The following LRRC4C variants were observed in gnomAD, a reference collection of about 807,000 sequenced individuals.
LRRC4C encodes the protein leucine rich repeat containing 4C.
Under a neutral mutation model 33.6 loss-of-function variants are expected in LRRC4C, and 5 were observed. The ratio of observed to expected loss-of-function variants is 0.15; its 90% CI spans 0.08 to 0.31. The LOEUF (loss-of-function observed/expected upper bound fraction) is 0.31. LRRC4C is among the 10% of genes least tolerant of loss of function. The probability of loss-of-function intolerance (pLI) is 1.00; values close to 1 mark genes in which losing one functional copy is unlikely to be tolerated. For missense variants in LRRC4C, 560 were observed against 796.7 expected, an observed-to-expected ratio of 0.70 and a Z score of 3.58; for synonymous variants, 329 against 302.0, an observed-to-expected ratio of 1.09 and a Z score of -0.93.
At chr11:41,289,821 C>T (rs1949940385) in intron 1 of LRRC4C, among the ~76,000 whole-genome samples, 1 of 152,070 alleles carries the variant, frequency 6.6e-6, no homozygotes, top group South Asian at 2.1e-4. Flanking sequence ...GAATTAGATT[C>T]AGAAAGGAAG....
chr11:41,023,960 T>G (rs1666272609), intron 1 of LRRC4C, among the ~76,000 whole-genome samples: 1 of 151,782 alleles, frequency 6.6e-6, no homozygotes, highest in Non-Finnish European at 1.5e-5. Context: ...TCCTGTTACT[T>G]TGTCAGGTGC....
rs779814161 is a variant in LRRC4C at position 41,204,059 on chromosome 11, T to C, written c.-496+255372A>G. Among the ~76,000 whole-genome samples, 304 of 152,140 alleles carry C rather than the reference T, an allele frequency of 2.0e-3. 1 individual carries two copies. The highest frequency in any genetic ancestry group is 4.1e-3 in the Non-Finnish European group (280 of 68,012). On this transcript the variant is annotated intron_variant, in intron 1 of 6. Transcript: ENST00000528697. ...CAGATTATAGATGGCAAAACTAAAA[T>C]AGGTCCTCTTGAAATAATATTTTTG...
intron 2 of LRRC4C, among the ~76,000 whole-genome samples, chr11:40,788,947 G>T (rs375357237): frequency 6.6e-6 from 1 of 151,994 alleles, no homozygotes; most frequent in East Asian, 1.9e-4. Context: ...AAAAAAATTA[G>T]CTGGGCATGG....
chr11:40,927,839 G>C (rs183140440), intron 2 of LRRC4C, among the ~76,000 whole-genome samples: 2 of 152,290 alleles, frequency 1.3e-5, no homozygotes, highest in East Asian at 1.9e-4. Context: ...GTTTCACACA[G>C]AGCCTAGTTT....
intron 1 of LRRC4C, among the ~76,000 whole-genome samples, chr11:41,390,906 A>G (rs765316346): frequency 6.6e-6 from 1 of 151,750 alleles, no homozygotes; most frequent in Non-Finnish European, 1.5e-5. Flanking sequence ...AGAAATAATT[A>G]TCAATGGAAT....
intron 1 of LRRC4C, among the ~76,000 whole-genome samples, chr11:41,144,332 A>G (rs958156683): frequency 2.0e-5 from 3 of 152,212 alleles, no homozygotes; most frequent in African/African-American, 7.2e-5. Context: ...TCCAGACTTC[A>G]GTTTAGAATA....
At chr11:40,878,240 T>C (rs1257279598) in intron 2 of LRRC4C, among the ~76,000 whole-genome samples, 1 of 152,088 alleles carries the variant, frequency 6.6e-6, no homozygotes, top group Non-Finnish European at 1.5e-5. Flanking sequence ...ACAATTAAAG[T>C]ACATCAACTC....
intron 1 of LRRC4C, among the ~76,000 whole-genome samples, chr11:41,165,325 G>T (rs1590810094): frequency 6.6e-6 from 1 of 152,106 alleles, no homozygotes; most frequent in African/African-American, 2.4e-5. Context: ...TGACCGAAAT[G>T]TCATTATGTG....
At position 41,066,203 on chromosome 11, in the gene LRRC4C, C is replaced by T. The variant is rs138867840; in HGVS notation, c.-495-132480G>A. On this transcript the variant is annotated intron_variant, in intron 1 of 6. Transcript: ENST00000528697. ...TACAGGAACTGCTAACTACAATAAGCAGTTTAGAGAGGAACATAAATGACC... is the reference window on the plus strand; with the variant it reads ...TACAGGAACTGCTAACTACAATAAGTAGTTTAGAGAGGAACATAAATGACC... Among the ~76,000 whole-genome samples, 6 of 152,186 alleles carry T rather than the reference C, an allele frequency of 3.9e-5. No homozygotes were observed. The East Asian group carries it at 1.2e-3, about 30-fold the overall frequency.
At chr11:40,622,707 C>A (rs191351238) in intron 3 of LRRC4C, among the ~76,000 whole-genome samples, 3 of 151,892 alleles carry the variant, frequency 2.0e-5, no homozygotes, top group Admixed American at 6.6e-5. Context: ...TGGAAAAGAG[C>A]ATGGAGTTTG....
At chr11:40,223,310 G>A (rs1341803802) in intron 5 of LRRC4C, among the ~76,000 whole-genome samples, 1 of 152,122 alleles carries the variant, frequency 6.6e-6, no homozygotes, top group East Asian at 1.9e-4. Flanking sequence ...AAATCAGTAG[G>A]AGAAAGGACA....
intron 1 of LRRC4C, among the ~76,000 whole-genome samples, chr11:41,149,090 T>G (rs1054091555): frequency 1.3e-5 from 2 of 152,078 alleles, no homozygotes; most frequent in Non-Finnish European, 2.9e-5. Context: ...GCAGAATTTA[T>G]TTTTTCAGAA....
chr11:41,013,518 C>G (rs1241935775), intron 1 of LRRC4C, among the ~76,000 whole-genome samples: 2 of 152,154 alleles, frequency 1.3e-5, no homozygotes, highest in Non-Finnish European at 2.9e-5. Flanking sequence ...CACTGTCTTA[C>G]AGTCTTCAAA....
At chr11:41,263,271 A>G (rs1194311978) in intron 1 of LRRC4C, among the ~76,000 whole-genome samples, 2 of 152,182 alleles carry the variant, frequency 1.3e-5, no homozygotes, top group East Asian at 3.9e-4. Context: ...AAAAGAATTA[A>G]CATCCGCACC....
intron 3 of LRRC4C, among the ~76,000 whole-genome samples, chr11:40,370,000 G>T (rs1224551001): frequency 6.6e-6 from 1 of 152,028 alleles, no homozygotes; most frequent in Non-Finnish European, 1.5e-5. Context: ...TTGGTAGAGA[G>T]AAGAAGAAAA....
Position 41,040,159 on chromosome 11 carries a change from T to C in LRRC4C, c.-495-106436A>G, listed in dbSNP as rs1396829982. 2.3e-5 allele frequency among the ~76,000 whole-genome samples: 3 copies of C among 131,088 alleles called. 1 individual carries two copies. The allele number at this position is 131,088 out of a possible 152,430, so 86.0% of individuals were successfully genotyped here. A position where few individuals can be genotyped will look rare whatever the true frequency, so the allele number is the denominator to read the frequency against. On this transcript the variant is annotated intron_variant, in intron 1 of 6. Coordinates refer to ENST00000528697, the MANE Select transcript of LRRC4C (RefSeq NM_001258419.2). Reference sequence around the variant, plus strand: ...TCTCAAAAAAAAAAAAAAAAAAAAGTATGACTTGAACTGGTTTAGGGGATG... The same window carrying C: ...TCTCAAAAAAAAAAAAAAAAAAAAGCATGACTTGAACTGGTTTAGGGGATG...
chr11:40,588,874 G>T (rs1958894684), intron 3 of LRRC4C, among the ~76,000 whole-genome samples: 1 of 152,116 alleles, frequency 6.6e-6, no homozygotes, highest in Non-Finnish European at 1.5e-5. Flanking sequence ...TTTTACATTT[G>T]CTGAGGAGAG....
At position 40,320,027 on chromosome 11, in the gene LRRC4C, G is replaced by A. The variant is rs572447757; in HGVS notation, c.-269-306C>T. Reference sequence around the variant, plus strand: ...ATTAGTCTTTCATTTCTTTTTTAATGTCATTGCATTTTATTGAAATGTGTC... The same window carrying A: ...ATTAGTCTTTCATTTCTTTTTTAATATCATTGCATTTTATTGAAATGTGTC... On this transcript the variant is annotated intron_variant, in intron 3 of 6. Transcript: ENST00000528697. 2.6e-5 allele frequency among the ~76,000 whole-genome samples: 4 copies of A among 151,644 alleles called. No homozygotes were observed. The East Asian group carries it at 7.8e-4, about 29-fold the overall frequency.
chr11:40,982,523 T>C (rs2137117753), intron 1 of LRRC4C, among the ~76,000 whole-genome samples: 1 of 152,152 alleles, frequency 6.6e-6, no homozygotes, highest in East Asian at 1.9e-4. Context: ...CAGCCTGTAA[T>C]ACCATGAAAT....
Sources: allele counts gnomAD v4.1 joint callset (sites outside exome capture counted in the v4.1 genomes callset), GRCh38; gene constraint gnomAD v4.1.1; transcripts MANE v1.5; gene names NCBI Gene and HGNC (gene_info 2026-07-23, HGNC 2026-07-21).